The following OSBPL10 variants were observed in gnomAD, a reference collection of about 807,000 sequenced individuals.
OSBPL10 encodes the protein oxysterol-binding protein-related protein 10.
OSBPL10 carries 49 observed loss-of-function variants against 81.7 expected under a neutral mutation model. The ratio of observed to expected loss-of-function variants is 0.60; its 90% CI spans 0.48 to 0.76. The LOEUF is 0.76. Ranked by LOEUF, OSBPL10 falls within the 30% of genes least tolerant of loss-of-function variation. The probability of loss-of-function intolerance (pLI) is 0.00; values close to 1 mark genes in which losing one functional copy is unlikely to be tolerated. For missense variants in OSBPL10, 923 were observed against 987.8 expected (o/e 0.93, Z 0.88); for synonymous variants, 419 against 383.6 (o/e 1.09, Z -1.08).
chr3:31,829,585 A>T (rs1361845118), intron 4 of OSBPL10, among the ~76,000 whole-genome samples: 1 of 151,986 alleles, frequency 6.6e-6, no homozygotes, highest in Non-Finnish European at 1.5e-5. Flanking sequence ...TCACTACCCA[A>T]CCCTCCCCTT....
chr3:31,959,509 G>T (rs1201542182), intron 1 of OSBPL10, among the ~76,000 whole-genome samples: 3 of 152,142 alleles, frequency 2.0e-5, no homozygotes, highest in African/African-American at 7.2e-5. Flanking sequence ...AGAGCTCTCT[G>T]CACATTTTGA....
chr3:32,057,213 G>A (rs1411654178), intron 1 of OSBPL10, among the ~76,000 whole-genome samples: 2 of 152,198 alleles, frequency 1.3e-5, no homozygotes, highest in East Asian at 1.9e-4. Context: ...TGCGGTTGCT[G>A]TGTCTATGGA....
chr3:31,985,147 G>A (rs942546787), upstream of OSBPL10, among the ~76,000 whole-genome samples: 2 of 152,168 alleles, frequency 1.3e-5, no homozygotes, highest in African/African-American at 4.8e-5. Context: ...GCTGAGGCAG[G>A]AAAATCGCTT....
At chr3:31,858,793 C>A (rs1559494744) in intron 3 of OSBPL10, among the ~76,000 whole-genome samples, 1 of 152,138 alleles carries the variant, frequency 6.6e-6, no homozygotes, top group Non-Finnish European at 1.5e-5. Context: ...CTTTCTGATG[C>A]ATGGGGAATA....
intron 4 of OSBPL10, among the ~76,000 whole-genome samples, chr3:31,787,179 T>C (rs1698879986): frequency 6.6e-6 from 1 of 152,254 alleles, no homozygotes; most frequent in Non-Finnish European, 1.5e-5. Flanking sequence ...GATACACAAA[T>C]ATCACAAGGA....
intron 6 of OSBPL10, 111 bp downstream of exon 6, chr3:31,733,145 TA>T: frequency 2.8e-6 from 4 of 1,447,156 alleles, no homozygotes; most frequent in African/African-American, 1.4e-5. Flanking sequence ...TTCCATTTTT[TA>T]ATTTGTCTCC....
At chr3:32,035,104 G>A (rs1366170146) in intron 2 of OSBPL10, among the ~76,000 whole-genome samples, 1 of 151,650 alleles carries the variant, frequency 6.6e-6, no homozygotes, top group African/African-American at 2.4e-5. Context: ...AGAGAATGAG[G>A]AGATAGGAGA....
At chr3:31,732,478 T>A (rs964844658) in intron 6 of OSBPL10, 1 of 152,136 alleles carries the variant, frequency 6.6e-6, no homozygotes, top group Admixed American at 6.5e-5. Context: ...AAGAACAACC[T>A]CTAATGCATG....
intron 1 of OSBPL10, among the ~76,000 whole-genome samples, chr3:31,926,027 T>TA (rs1697063188): frequency 6.6e-6 from 1 of 152,140 alleles, no homozygotes; most frequent in African/African-American, 2.4e-5. Context: ...ATAGTAAAAG[T>TA]AACCACTCTC....
chr3:31,697,271 A>G (rs997482730), intron 7 of OSBPL10, among the ~76,000 whole-genome samples: 3 of 152,156 alleles, frequency 2.0e-5, no homozygotes, highest in Non-Finnish European at 4.4e-5. Flanking sequence ...GACTTCATGA[A>G]GAAAGAAGAG....
At chr3:31,981,328 G>A (rs904043734), upstream of OSBPL10, 80 of 1,236,654 alleles carry the variant, frequency 6.5e-5, no homozygotes, top group Non-Finnish European at 7.2e-5. This position sits in a 1 kb window ranked among gnomAD's most constrained non-coding sequence, Gnocchi z 4.5. Flanking sequence ...AGGAAGAGGA[G>A]GAGGAGGCGA....
chr3:32,043,487 A>T (rs569094880), intron 2 of OSBPL10, among the ~76,000 whole-genome samples: 1 of 152,354 alleles, frequency 6.6e-6, no homozygotes, highest in Non-Finnish European at 1.5e-5. Context: ...TTACGAAGAT[A>T]ACAGGATTAA....
At chr3:31,679,827 C>CA (rs1700590699) in intron 8 of OSBPL10, among the ~76,000 whole-genome samples, 1 of 152,116 alleles carries the variant, frequency 6.6e-6, no homozygotes, top group South Asian at 2.1e-4. Flanking sequence ...CCAGATAAGT[C>CA]AAAATCAAGA....
At chr3:31,962,652 T>TGGGAG (rs1698202180) in intron 1 of OSBPL10, among the ~76,000 whole-genome samples, 2 of 152,172 alleles carry the variant, frequency 1.3e-5, no homozygotes. Flanking sequence ...AGGGTTTCAA[T>TGGGAG]CGCTCCCATT....
chr3:31,836,583 A>C (rs540246547), intron 3 of OSBPL10, among the ~76,000 whole-genome samples: 4 of 130,940 alleles, frequency 3.1e-5, no homozygotes, highest in African/African-American at 1.2e-4. Context: ...ACTCTTCCTT[A>C]ACAGTTAATT....
intron 1 of OSBPL10, among the ~76,000 whole-genome samples, chr3:32,076,098 G>A (rs891141615): frequency 1.3e-4 from 20 of 152,196 alleles, no homozygotes; most frequent in South Asian, 2.1e-4. Flanking sequence ...GGCCAGGCGC[G>A]GTGGCTCACG....
intron 2 of OSBPL10, among the ~76,000 whole-genome samples, chr3:32,001,784 C>A (rs909602958): frequency 4.0e-5 from 6 of 151,828 alleles, no homozygotes; most frequent in African/African-American, 1.5e-4. Flanking sequence ...AATGTGCACA[C>A]CCCTTTGGAA....
chr3:32,055,243 G>A lies in OSBPL10; in HGVS notation n.186-8640C>T, dbSNP rs189603398. On this transcript the variant is annotated intron_variant and non_coding_transcript_variant, in intron 1 of 3. Transcript: ENST00000479173. ...TTTTGAGACGGAGTCTCGCTCTGTC[G>A]CCCAGGCTGGAGTGCAGTGGCGGGA... is the stretch of plus-strand genomic sequence containing the variant. 3.3e-3 allele frequency among the ~76,000 whole-genome samples: 362 copies of A among 108,340 alleles called. 4 individuals are homozygous for A. The highest frequency in any genetic ancestry group is 0.011 in the African/African-American group (310 of 27,776). The allele number at this position is 108,340 out of a possible 152,430, so 71.1% of individuals were successfully genotyped here.
chr3:31,997,887 A>G (rs1333358734), intron 2 of OSBPL10, among the ~76,000 whole-genome samples: 3 of 152,120 alleles, frequency 2.0e-5, no homozygotes, highest in African/African-American at 4.8e-5. Flanking sequence ...TCCTGGGCTC[A>G]AGCAATCCTC....
Sources: allele counts gnomAD v4.1 joint callset (sites outside exome capture counted in the v4.1 genomes callset), GRCh38; gene constraint gnomAD v4.1.1; non-coding constraint Gnocchi (gnomAD v3.1); transcripts MANE v1.5; gene names NCBI Gene and HGNC (gene_info 2026-07-23, HGNC 2026-07-21).